Variants in SLC22A3 observed in about 807,000 individuals in gnomAD.
SLC22A3 encodes solute carrier family 22 member 3.
A neutral mutation model predicts 59.1 loss-of-function variants in SLC22A3; 51 were observed. The observed-to-expected ratio is 0.86, with a 90% CI of 0.69 to 1.09. The LOEUF is 1.09. SLC22A3 is among the 50% of genes least tolerant of loss of function. The pLI is 0.00. For missense variants in SLC22A3, 711 were observed against 726.3 expected (o/e 0.98, Z 0.24); for synonymous variants, 325 against 292.0 (o/e 1.11, Z -1.15).
intron 1 of SLC22A3, among the ~76,000 whole-genome samples, chr6:160,391,955 A>C (rs958820573): frequency 1.3e-5 from 2 of 152,210 alleles, no homozygotes; most frequent in African/African-American, 4.8e-5. Flanking sequence ...ACCTACAGTA[A>C]AGCCTGATAG....
At chr6:160,407,315 C>A in intron 3 of SLC22A3, 120 bp downstream of exon 3, 1 of 1,031,222 alleles carries the variant, frequency 9.7e-7, no homozygotes, top group Non-Finnish European at 1.4e-6. Context: ...TTCACTGCAG[C>A]TACAGTAATT....
rs781457759 is a variant in SLC22A3, at chr6:160,348,466, G to T, written c.47G>T (p.Arg16Leu). 2 of 1,539,648 alleles carry T rather than the reference G, an allele frequency of 1.3e-6. No homozygotes were observed. Among genetic ancestry groups the T allele is most frequent in the African/African-American group, 1.4e-5 (1 of 70,150 alleles). The change falls in exon 1 of 11, where the codon CGC becomes CTC. Residue 16 changes from arginine (R) to leucine (L), a missense_variant. Transcript: ENST00000275300. ...EALQRVGEFG[R>L]FQRRVFLLLC... is the part of the protein sequence containing the mutation. ...CTGCAGCGGGTGGGCGAGTTCGGGC[G>T]CTTCCAGAGGCGCGTGTTTTTGCTG...
intron 1 of SLC22A3, among the ~76,000 whole-genome samples, chr6:160,371,325 C>T (rs891447549): frequency 2.0e-5 from 3 of 152,160 alleles, no homozygotes; most frequent in Admixed American, 1.3e-4. Context: ...AATGCTATCC[C>T]TCCCCTAGTA....
chr6:160,382,055 T>A (rs1785818433), intron 1 of SLC22A3, among the ~76,000 whole-genome samples: 1 of 152,242 alleles, frequency 6.6e-6, no homozygotes, highest in East Asian at 1.9e-4. Flanking sequence ...CAATATTATC[T>A]TGTAGGTATT....
chr6:160,377,817 C>A (rs192695045), intron 1 of SLC22A3, among the ~76,000 whole-genome samples: 1 of 152,306 alleles, frequency 6.6e-6, no homozygotes, highest in Non-Finnish European at 1.5e-5. Context: ...GCTAAGCAAA[C>A]GTAGGTTTGG....
At chr6:160,428,827 T>C (rs1788053815) in intron 5 of SLC22A3, among the ~76,000 whole-genome samples, 1 of 152,246 alleles carries the variant, frequency 6.6e-6, no homozygotes, top group Admixed American at 6.5e-5. Context: ...ATATTTTATC[T>C]ACTCTTGTTT....
chr6:160,451,000 C>T lies in SLC22A3; in HGVS notation c.1615C>T (p.His539Tyr), dbSNP rs1380395793. 1 of 1,591,018 alleles carries T rather than the reference C, an allele frequency of 6.3e-7. No individual in the cohort carries two copies. The highest frequency in any genetic ancestry group is 1.1e-5 in the South Asian group (1 of 87,508). Residue 539 changes from histidine (H) to tyrosine (Y), a missense_variant, in exon 11 of 11, where the codon CAT (histidine) becomes TAT (tyrosine). Transcript: ENST00000275300. ...VDDVEKLGSP[H>Y]SCKCGRNKKT... is the part of the protein sequence containing the mutation. ...CTTTCTCCTTTGTTTTTTCAGTCCA[C>T]ATTCCTGTAAATGTGGCAGGAATAA...
chr6:160,432,324 T>C (rs1788180066), intron 5 of SLC22A3, among the ~76,000 whole-genome samples: 1 of 152,132 alleles, frequency 6.6e-6, no homozygotes, highest in Admixed American at 6.5e-5. Context: ...TAGTGGGAAT[T>C]CTGTTAGGAA....
chr6:160,366,108 T>A (rs551115752), intron 1 of SLC22A3, among the ~76,000 whole-genome samples: 66 of 152,190 alleles, frequency 4.3e-4, no homozygotes, highest in Non-Finnish European at 2.2e-4. Flanking sequence ...TCCTGTCCCC[T>A]CCCAAATCTC....
intron 5 of SLC22A3, among the ~76,000 whole-genome samples, chr6:160,413,487 T>A (rs1787341186): frequency 6.6e-6 from 1 of 152,244 alleles, no homozygotes; most frequent in Non-Finnish European, 1.5e-5. Flanking sequence ...AGTTTTTCTA[T>A]ACTCTGCCTA....
rs753633030 is a variant in SLC22A3, at chr6:160,348,839, C to T, written c.420C>T (p.Ile140=). The T allele has an allele frequency of 5.0e-6, 8 of 1,584,556 alleles. No individual in the cohort carries two copies. The highest frequency in any genetic ancestry group is 1.7e-5 in the Admixed American group (1 of 58,556). ...GCTACGCCCAGGCCCACTCCACCAT[C>T]GTCAGCGAGGTAAGGGCGCCCCGGC... is the stretch of plus-strand genomic sequence containing the variant. ...GWRYAQAHST[I]VSEFDLVCVN... Residue 140 remains isoleucine, a synonymous_variant, in exon 1 of 11, where the codon ATC becomes ATT. Coordinates refer to ENST00000275300, the MANE Select transcript of SLC22A3 (RefSeq NM_021977.4).
chr6:160,431,531 A>G (rs1367023486), intron 5 of SLC22A3, among the ~76,000 whole-genome samples: 2 of 152,064 alleles, frequency 1.3e-5, no homozygotes, highest in East Asian at 3.8e-4. Flanking sequence ...CTGGTTTCAC[A>G]GTCCTGACTC....
At chr6:160,428,632 T>C (rs1439296462) in intron 5 of SLC22A3, among the ~76,000 whole-genome samples, 1 of 152,220 alleles carries the variant, frequency 6.6e-6, no homozygotes, top group African/African-American at 2.4e-5. Context: ...CCCCTGTTTC[T>C]CTTTATGTTT....
intron 1 of SLC22A3, among the ~76,000 whole-genome samples, chr6:160,387,064 C>A (rs1396513360): frequency 6.6e-6 from 1 of 152,170 alleles, no homozygotes; most frequent in Non-Finnish European, 1.5e-5. Flanking sequence ...GCAGCCATGC[C>A]CAGGCCCAGC....
In SLC22A3 at chr6:160,407,168, G is replaced by A; in HGVS notation, c.661G>A (p.Gly221Arg). 1.3e-5 allele frequency: 21 copies of A among 1,611,390 alleles called. No homozygotes were observed. Among genetic ancestry groups the A allele is most frequent in the Non-Finnish European group, 1.7e-5 (20 of 1,178,626 alleles). Residue 221 changes from glycine to arginine, a missense_variant, in exon 3 of 11, where the codon GGG (glycine) becomes AGG (arginine). Transcript: ENST00000275300. Reference protein sequence around the residue: ...FRFLQGVFGKGTWMTCYVIVT... With the variant: ...FRFLQGVFGKRTWMTCYVIVT... Reference sequence around the variant, plus strand: ...CTTCCTGCAAGGTGTATTTGGAAAGGGGACGTGGATGACTTGCTACGTGAT... The same window carrying A: ...CTTCCTGCAAGGTGTATTTGGAAAGAGGACGTGGATGACTTGCTACGTGAT...
chr6:160,402,575 G>A (rs931978171), intron 2 of SLC22A3, among the ~76,000 whole-genome samples: 1 of 151,658 alleles, frequency 6.6e-6, no homozygotes, highest in African/African-American at 2.4e-5. Context: ...TCTAACAACA[G>A]CAGACTTAAC....
intron 5 of SLC22A3, among the ~76,000 whole-genome samples, chr6:160,427,834 A>G (rs1396947048): frequency 1.3e-5 from 2 of 152,342 alleles, no homozygotes; most frequent in Admixed American, 6.5e-5. Context: ...TTGTGTATCC[A>G]TACATGCTAC....
intron 1 of SLC22A3, among the ~76,000 whole-genome samples, chr6:160,363,504 T>G (rs1184314247): frequency 1.3e-5 from 2 of 152,120 alleles, no homozygotes; most frequent in Non-Finnish European, 2.9e-5. Flanking sequence ...GGCAGGCGTG[T>G]GCCCAGCTTA....
At chr6:160,420,612 G>A (rs533692771) in intron 5 of SLC22A3, among the ~76,000 whole-genome samples, 1 of 152,340 alleles carries the variant, frequency 6.6e-6, no homozygotes, top group South Asian at 2.1e-4. Flanking sequence ...GCAGTGTCCA[G>A]CAGGGTGGCC....
Sources: allele counts gnomAD v4.1 joint callset (sites outside exome capture counted in the v4.1 genomes callset), GRCh38; gene constraint gnomAD v4.1.1; transcripts MANE v1.5; gene names NCBI Gene and HGNC (gene_info 2026-07-23, HGNC 2026-07-21).